CCDC171: variants seen among roughly 807,000 people sequenced by gnomAD.
CCDC171 encodes the protein coiled-coil domain-containing protein 171.
In CCDC171, 177 loss-of-function variants were observed where a neutral mutation model predicts 168.2. The observed-to-expected ratio is 1.05, with a 90% CI of 0.93 to 1.19. The LOEUF (loss-of-function observed/expected upper bound fraction) is 1.19. Ranked by LOEUF, CCDC171 falls within the 50% of genes most tolerant of loss-of-function variation. The pLI, the probability that CCDC171 is intolerant of heterozygous loss-of-function variation, is 0.00. For synonymous variants in CCDC171, 687 were observed against 540.8 expected (o/e 1.27, Z -3.75); for missense variants, 1,991 against 1,539.0 (o/e 1.29, Z -4.91).
intron 11 of CCDC171, among the ~76,000 whole-genome samples, chr9:15,700,532 G>T (rs147594202): frequency 1.3e-5 from 2 of 152,274 alleles, no homozygotes; most frequent in East Asian, 3.8e-4. Context: ...TGCCGCCAAG[G>T]TTCGAGCCCA....
the CCDC171 span, among the ~76,000 whole-genome samples, chr9:16,096,985 C>A: frequency 6.6e-6 from 1 of 152,056 alleles, no homozygotes; most frequent in African/African-American, 2.4e-5. Flanking sequence ...GGAAAGGAGG[C>A]AAAAGGGGAA....
chr9:15,557,425 G>A (rs999807251), intron 1 of CCDC171, among the ~76,000 whole-genome samples: 1 of 152,002 alleles, frequency 6.6e-6, no homozygotes, highest in Non-Finnish European at 1.5e-5. Context: ...GTTGAGCAGT[G>A]GTTTGTAGTT....
the CCDC171 span, among the ~76,000 whole-genome samples, chr9:16,082,680 TGC>T: frequency 6.6e-6 from 1 of 152,254 alleles, no homozygotes; most frequent in African/African-American, 2.4e-5. Context: ...AGTACACGCA[TGC>T]GTGAGCTTTT....
chr9:15,980,557 A>G (rs3008742), intron 3 of CCDC171, among the ~76,000 whole-genome samples: 61,719 of 151,780 alleles, frequency 0.41, 12,798 homozygotes, highest in South Asian at 0.52. Context: ...GTGGAGACCT[A>G]CTTTAATTGA....
At chr9:16,104,314 CCT>C in the CCDC171 span, among the ~76,000 whole-genome samples, 1 of 151,934 alleles carries the variant, frequency 6.6e-6, no homozygotes, top group Non-Finnish European at 1.5e-5. Context: ...ATCCCTTCTC[CCT>C]CTGTTTTTCT....
chr9:15,908,635 C>G (rs1245257994), intron 24 of CCDC171, among the ~76,000 whole-genome samples: 2 of 151,962 alleles, frequency 1.3e-5, no homozygotes, highest in Non-Finnish European at 2.9e-5. Flanking sequence ...GCACCTGTAC[C>G]CTAAAAGTTA....
intron 8 of CCDC171, among the ~76,000 whole-genome samples, chr9:15,660,987 A>C (rs549204961): frequency 2.0e-5 from 3 of 152,190 alleles, no homozygotes; most frequent in African/African-American, 4.8e-5. Context: ...GCATCTTAAC[A>C]TGCTGTTTTT....
intron 3 of CCDC171, among the ~76,000 whole-genome samples, chr9:15,982,411 G>A (rs1028082345): frequency 2.0e-5 from 3 of 152,008 alleles, no homozygotes; most frequent in African/African-American, 2.4e-5. Context: ...GCTCTTGTAA[G>A]CATTACGTGA....
chr9:16,007,387 G>A lies in CCDC171; in HGVS notation n.369-13202G>A, dbSNP rs541707784. 4.6e-5 allele frequency among the ~76,000 whole-genome samples: 7 copies of A among 152,284 alleles called. No individual in the cohort carries two copies. In the South Asian group the frequency reaches 1.0e-3, roughly 23 times the overall value. ...TTTTCTCCCATTCTGTAGGTTGCCT[G>A]TTCACTCTGATGGTAGTTTCTTTTG... is the stretch of plus-strand genomic sequence containing the variant. On this transcript the variant is annotated intron_variant and non_coding_transcript_variant, in intron 3 of 9. Coordinates refer to the CCDC171 transcript ENST00000486641.
intron 2 of CCDC171, among the ~76,000 whole-genome samples, chr9:15,569,755 C>T (rs1204038020): frequency 6.6e-6 from 1 of 151,358 alleles, no homozygotes; most frequent in Non-Finnish European, 1.5e-5. Flanking sequence ...GCGGAGCTTG[C>T]AGTGAGCCGA....
At chr9:15,669,394 A>G (rs1197236790) in intron 9 of CCDC171, among the ~76,000 whole-genome samples, 2 of 152,214 alleles carry the variant, frequency 1.3e-5, no homozygotes, top group Non-Finnish European at 2.9e-5. Context: ...TTTTTATACA[A>G]GCATACAATG....
At chr9:16,041,822 A>G (rs2133056915), upstream of CCDC171, among the ~76,000 whole-genome samples, 1 of 152,252 alleles carries the variant, frequency 6.6e-6, no homozygotes, top group South Asian at 2.1e-4. Context: ...TGAATGACCA[A>G]CCTTCATTCT....
In CCDC171 at chr9:15,568,550, G is replaced by A. The variant is rs146900939; in HGVS notation, c.42-3074G>A. ...CTCCCAAAGTGCTGGGATTACAGGC[G>A]TGAGCCACCGCACCCAGCCTTATTT... On this transcript the variant is annotated intron_variant, in intron 2 of 25. Transcript: ENST00000380701. Among the ~76,000 whole-genome samples the A allele has an allele frequency of 6.8e-4, 103 of 152,278 alleles. 1 individual carries two copies. In the East Asian group the frequency reaches 0.019, roughly 27 times the overall value.
At chr9:16,001,871 T>C (rs1832556494) in intron 3 of CCDC171, among the ~76,000 whole-genome samples, 1 of 148,890 alleles carries the variant, frequency 6.7e-6, no homozygotes, top group African/African-American at 2.5e-5. Context: ...AGTGTCTCGC[T>C]CTGTCACCCA....
intron 6 of CCDC171, among the ~76,000 whole-genome samples, chr9:15,620,406 G>A (rs2044411144): frequency 6.6e-6 from 1 of 152,144 alleles, no homozygotes; most frequent in African/African-American, 2.4e-5. Flanking sequence ...CTTTGGGGGT[G>A]GGGGCAGGTT....
At chr9:15,890,467 G>A (rs1023190874) in intron 24 of CCDC171, among the ~76,000 whole-genome samples, 3 of 151,846 alleles carry the variant, frequency 2.0e-5, no homozygotes, top group Non-Finnish European at 2.9e-5. Flanking sequence ...TAGCTCTGCA[G>A]CAGTGAAGTC....
chr9:15,959,694 G>C (rs1830157435), intron 25 of CCDC171, among the ~76,000 whole-genome samples: 1 of 152,114 alleles, frequency 6.6e-6, no homozygotes, highest in Non-Finnish European at 1.5e-5. Context: ...TGAGGGCTCT[G>C]GCAGTTGGAG....
chr9:16,062,228 G>A (rs1482293824), downstream of CCDC171, among the ~76,000 whole-genome samples: 2 of 152,198 alleles, frequency 1.3e-5, no homozygotes, highest in Non-Finnish European at 2.9e-5. Context: ...GTTATGGACA[G>A]AGAAAGTAAG....
chr9:15,733,918 C>G lies in CCDC171; in HGVS notation c.2049+4120C>G, dbSNP rs1039604324. ...AAGTAGCTGGGACTGTAGGCATGCA[C>G]TACCATGCCTAACTAATTTTATTTT... is the stretch of plus-strand genomic sequence containing the variant. On this transcript the variant is annotated intron_variant, in intron 16 of 25. Coordinates refer to ENST00000380701, the MANE Select transcript of CCDC171 (RefSeq NM_173550.4). Among the ~76,000 whole-genome samples the G allele has an allele frequency of 6.8e-4, 103 of 152,088 alleles. 1 individual carries two copies. The highest frequency in any genetic ancestry group is 1.8e-4 in the Non-Finnish European group (12 of 68,016).
Sources: gnomAD v4.1 joint callset for allele counts (sites outside exome capture counted in the v4.1 genomes callset) on GRCh38, gnomAD v4.1.1 for gene constraint, MANE v1.5 for transcripts, NCBI Gene and HGNC (gene_info 2026-07-23, HGNC 2026-07-21) for gene names.